PPP4R4: variants seen among roughly 807,000 people sequenced by gnomAD.
The protein encoded by PPP4R4 is serine/threonine-protein phosphatase 4 regulatory subunit 4.
Under a neutral mutation model 121.8 loss-of-function variants are expected in PPP4R4, and 70 were observed. The observed-to-expected ratio is 0.57, with a 90% CI of 0.47 to 0.70. PPP4R4 has a LOEUF of 0.70. Among genes scored for constraint, PPP4R4 ranks in the 30% least tolerant of loss-of-function variants. The probability of loss-of-function intolerance (pLI) is 0.00; values close to 1 mark genes in which losing one functional copy is unlikely to be tolerated. For missense variants in PPP4R4, 875 were observed against 1,033.6 expected, an observed-to-expected ratio of 0.85 and a Z score of 2.10; for synonymous variants, 348 against 355.7, an observed-to-expected ratio of 0.98 and a Z score of 0.24.
At chr14:94,215,741 C>T (rs991583766) in intron 3 of PPP4R4, among the ~76,000 whole-genome samples, 1 of 152,016 alleles carries the variant, frequency 6.6e-6, no homozygotes, top group African/African-American at 2.4e-5. Flanking sequence ...ACAAACTGTT[C>T]TATGGTTTAC....
At chr14:94,265,657 A>G in intron 21 of PPP4R4, 137 bp from the exon 22 acceptor site, 1 of 791,534 alleles carries the variant, frequency 1.3e-6, no homozygotes. Context: ...GAGATACTTC[A>G]GTGAGCTCAA....
intron 20 of PPP4R4, 98 bp downstream of exon 20, chr14:94,265,045 A>G (rs2139643083): frequency 1.9e-6 from 2 of 1,076,070 alleles, no homozygotes; most frequent in South Asian, 3.1e-5. Context: ...TTGATATGGA[A>G]AATTGCTTTA....
At chr14:94,265,336 T>A (rs543368367) in intron 20 of PPP4R4, 51 bp from the exon 21 acceptor site, 34 of 1,324,396 alleles carry the variant, frequency 2.6e-5, no homozygotes, top group Non-Finnish European at 3.1e-5. Context: ...TTTATGGAGA[T>A]TAATAAGGAC....
In PPP4R4 at chr14:94,189,692, C is replaced by T. The variant is rs766540309; in HGVS notation, c.191+13565C>T. ...CCACCAGAATGTCTTGCTGGCTTTT[C>T]AAACTCAATGTGCTCGAAACTGCAT... is the stretch of plus-strand genomic sequence containing the variant. On this transcript the variant is annotated intron_variant, in intron 2 of 24. Transcript: ENST00000304338. Among the ~76,000 whole-genome samples, 50 of 152,194 alleles carry T rather than the reference C, an allele frequency of 3.3e-4. 1 individual carries two copies. The highest frequency in any genetic ancestry group is 6.5e-4 in the Non-Finnish European group (44 of 68,032).
intron 2 of PPP4R4, among the ~76,000 whole-genome samples, chr14:94,204,593 G>GA (rs967011326): frequency 2.0e-5 from 3 of 152,018 alleles, no homozygotes; most frequent in African/African-American, 7.2e-5. Flanking sequence ...TACAAATTTA[G>GA]AAAAAATATA....
At chr14:94,252,649 A>G (rs1050280797) in intron 16 of PPP4R4, among the ~76,000 whole-genome samples, 4 of 152,186 alleles carry the variant, frequency 2.6e-5, no homozygotes, top group African/African-American at 9.6e-5. Flanking sequence ...TTAAACCCTC[A>G]GCCATTAGAT....
At chr14:94,252,798 C>G (rs1188389410) in intron 16 of PPP4R4, among the ~76,000 whole-genome samples, 1 of 152,156 alleles carries the variant, frequency 6.6e-6, no homozygotes. Flanking sequence ...CATTGGGGCA[C>G]TTAGTCTTAT....
At chr14:94,214,059 C>A (rs1396541779) in intron 3 of PPP4R4, among the ~76,000 whole-genome samples, 1 of 152,118 alleles carries the variant, frequency 6.6e-6, no homozygotes, top group Non-Finnish European at 1.5e-5. Context: ...TCTCACTATA[C>A]CCCCGGAACC....
At chr14:94,267,060 T>C in intron 23 of PPP4R4, 31 bp downstream of exon 23, 1 of 1,476,578 alleles carries the variant, frequency 6.8e-7, no homozygotes. Flanking sequence ...TTCAAAAAGT[T>C]GCTAAATTTA....
intron 11 of PPP4R4, among the ~76,000 whole-genome samples, chr14:94,243,931 T>C (rs1488597125): frequency 6.6e-6 from 1 of 152,144 alleles, no homozygotes; most frequent in Non-Finnish European, 1.5e-5. Context: ...AAAACAACCC[T>C]GTTAGAGCAA....
rs77968557 is a variant in PPP4R4, at chr14:94,230,783, T to C, written c.442+49T>C. The C allele has an allele frequency of 3.3e-6, 5 of 1,524,692 alleles. No individual in the cohort carries two copies. The African/African-American group carries it at 6.9e-5, about 21-fold the overall frequency. 94.4% of individuals were successfully genotyped at this position (1,524,692 alleles called of 1,614,324 possible). Reference sequence around the variant, plus strand: ...TATATACTTGTTTATTGTTTTTTTGTGTATGGCCATGATATTATATAAATA... The same window carrying C: ...TATATACTTGTTTATTGTTTTTTTGCGTATGGCCATGATATTATATAAATA... On this transcript the variant is annotated intron_variant, in intron 4 of 24. Coordinates refer to ENST00000304338, the MANE Select transcript of PPP4R4 (RefSeq NM_058237.2).
chr14:94,254,769 G>T (rs887695420), intron 16 of PPP4R4, among the ~76,000 whole-genome samples: 1 of 152,206 alleles, frequency 6.6e-6, no homozygotes, highest in Non-Finnish European at 1.5e-5. Context: ...AAAAAGAGTA[G>T]ACTTTTAGCT....
rs760947246 is a variant in PPP4R4 at position 94,265,893 on chromosome 14, A to C, written c.2378+6A>C. The C allele has an allele frequency of 2.6e-6, 4 of 1,531,122 alleles. No individual in the cohort carries two copies. The highest frequency in any genetic ancestry group is 3.6e-6 in the Non-Finnish European group (4 of 1,114,010). The allele number at this position is 1,531,122 out of a possible 1,614,324, so 94.8% of individuals were successfully genotyped here. On this transcript the variant is annotated splice_donor_region_variant and intron_variant, in intron 22 of 24. Transcript: ENST00000304338. ...AACTTAGAGAAATGTGCTAGGTACG[A>C]TCTGTAAGCCCTTCAATTTTTAACA...
At chr14:94,198,034 A>G (rs1345765819) in intron 2 of PPP4R4, among the ~76,000 whole-genome samples, 1 of 152,154 alleles carries the variant, frequency 6.6e-6, no homozygotes, top group Non-Finnish European at 1.5e-5. Flanking sequence ...ATATGCTGTT[A>G]TTTCCCTTGG....
At chr14:94,252,321 A>C (rs1295516486) in intron 16 of PPP4R4, among the ~76,000 whole-genome samples, 1 of 152,202 alleles carries the variant, frequency 6.6e-6, no homozygotes, top group Non-Finnish European at 1.5e-5. Context: ...ACTGCTTCAA[A>C]GTCTTCATCT....
At position 94,251,877 on chromosome 14, in the gene PPP4R4, G is replaced by A. The variant is rs1893202698; in HGVS notation, c.1846G>A (p.Asp616Asn). The A allele has an allele frequency of 1.3e-6, 2 of 1,583,548 alleles. No individual in the cohort carries two copies. The change falls in exon 16 of 25, where the codon GAT (aspartate) becomes AAT (asparagine). Residue 616 changes from aspartate (D) to asparagine (N), a missense_variant. Asp to Asn is a conservative substitution (Grantham distance 23). Transcript: ENST00000304338. ...FFLPAIELTH[D>N]PVANVRMKLC... ...TCTACCTGCTATTGAACTGACACAT[G>A]ATCCAGTAGCAAATGTGAGGTATGT...
intron 11 of PPP4R4, among the ~76,000 whole-genome samples, chr14:94,243,233 A>C (rs558883258): frequency 1.4e-4 from 21 of 152,222 alleles, no homozygotes; most frequent in South Asian, 4.1e-4. Context: ...TTTTTCTGGT[A>C]TGAAAATATA....
Position 94,240,812 on chromosome 14 carries a change from G to T in PPP4R4, c.976+17G>T. 1 of 1,483,696 alleles carries T rather than the reference G, an allele frequency of 6.7e-7. No homozygotes were observed. The highest frequency in any genetic ancestry group is 8.9e-7 in the Non-Finnish European group (1 of 1,121,422). The allele number at this position is 1,483,696 out of a possible 1,614,324, so 91.9% of individuals were successfully genotyped here. A position where few individuals can be genotyped will look rare whatever the true frequency, so the allele number is the denominator to read the frequency against. ...GACTATATGGTATGATATATCCTAA[G>T]AATTTTGAGACTGTAGATAATTTTT... On this transcript the variant is annotated intron_variant, in intron 9 of 24. Coordinates refer to ENST00000304338, the MANE Select transcript of PPP4R4 (RefSeq NM_058237.2).
chr14:94,245,762 A>G (rs140916772), intron 13 of PPP4R4, 92 bp downstream of exon 13: 4 of 896,242 alleles, frequency 4.5e-6, no homozygotes, highest in Non-Finnish European at 6.7e-6. Context: ...AATGTTTGGA[A>G]AACTTGTAAA....
Sources: allele counts gnomAD v4.1 joint callset (sites outside exome capture counted in the v4.1 genomes callset), GRCh38; gene constraint gnomAD v4.1.1; transcripts MANE v1.5; gene names NCBI Gene and HGNC (gene_info 2026-07-23, HGNC 2026-07-21).